Variants in SEMA3A observed in about 807,000 individuals in gnomAD.
SEMA3A encodes semaphorin-3A.
Under a neutral mutation model 97.9 loss-of-function variants are expected in SEMA3A, and 29 were observed. That is an observed-to-expected ratio of 0.30 (90% confidence interval 0.22 to 0.40). The LOEUF (loss-of-function observed/expected upper bound fraction) is 0.40, where lower values mean the gene tolerates loss of function less well. Ranked by LOEUF, SEMA3A falls within the 10% of genes least tolerant of loss-of-function variation. The pLI is 1.00. For synonymous variants in SEMA3A, 321 were observed against 323.7 expected, an observed-to-expected ratio of 0.99 and a Z score of 0.09; for missense variants, 763 against 951.3, an observed-to-expected ratio of 0.80 and a Z score of 2.60.
At chr7:84,350,266 C>T (rs1294862343) in intron 2 of SEMA3A, among the ~76,000 whole-genome samples, 2 of 152,114 alleles carry the variant, frequency 1.3e-5, no homozygotes, top group Non-Finnish European at 2.9e-5. Flanking sequence ...TGGCCCAACA[C>T]ACTTCCCAAT....
chr7:84,399,464 G>A (rs574076233), intron 1 of SEMA3A, among the ~76,000 whole-genome samples: 1 of 152,282 alleles, frequency 6.6e-6, no homozygotes, highest in South Asian at 2.1e-4. Context: ...CCATGGGAGA[G>A]CCTATGCCAC....
chr7:84,228,851 T>C (rs1017215234), intron 3 of SEMA3A, among the ~76,000 whole-genome samples: 3 of 152,128 alleles, frequency 2.0e-5, no homozygotes, highest in Non-Finnish European at 4.4e-5. Context: ...TGGTTGATCA[T>C]GGTGCCTTCT....
At chr7:84,052,820 G>A (rs1196368584) in intron 5 of SEMA3A, among the ~76,000 whole-genome samples, 1 of 150,146 alleles carries the variant, frequency 6.7e-6, no homozygotes, top group African/African-American at 2.5e-5. Flanking sequence ...GTCAATTTTG[G>A]ATCTTTCCTG....
chr7:84,077,463 C>G (rs1303780213), intron 4 of SEMA3A, among the ~76,000 whole-genome samples: 2 of 151,904 alleles, frequency 1.3e-5, no homozygotes, highest in African/African-American at 2.4e-5. Context: ...GAGCATATGT[C>G]CTGTAAAAAG....
chr7:83,965,076 T>C, intron 15 of SEMA3A, among the ~76,000 whole-genome samples: 1 of 149,790 alleles, frequency 6.7e-6, no homozygotes, highest in East Asian at 1.9e-4. Context: ...TTTCTAACTG[T>C]TCTGTGATTT....
chr7:84,133,408 C>A (rs959562321), intron 2 of SEMA3A, among the ~76,000 whole-genome samples: 1 of 151,926 alleles, frequency 6.6e-6, no homozygotes, highest in African/African-American at 2.4e-5. Context: ...GCATTTTATC[C>A]CAAAAGCAAC....
intron 2 of SEMA3A, among the ~76,000 whole-genome samples, chr7:84,321,592 A>G (rs557052510): frequency 1.4e-4 from 22 of 152,214 alleles, no homozygotes; most frequent in Non-Finnish European, 1.6e-4. Context: ...TCATATTGCT[A>G]TGAAGAAATA....
chr7:84,435,214 C>T lies in SEMA3A; in HGVS notation c.-246+57246G>A, dbSNP rs192985250. 2.6e-5 allele frequency among the ~76,000 whole-genome samples: 4 copies of T among 151,998 alleles called. No individual in the cohort carries two copies. In the East Asian group the frequency reaches 7.8e-4, roughly 30 times the overall value. On this transcript the variant is annotated intron_variant, in intron 1 of 3. Coordinates refer to the SEMA3A transcript ENST00000424555. ...AGCATTTTTATACACCAATAATATT[C>T]AAGCTGACAGCTAAAGAGTGTGATC... is the stretch of plus-strand genomic sequence containing the variant.
At chr7:84,233,661 A>G (rs1057073707) in intron 3 of SEMA3A, among the ~76,000 whole-genome samples, 2 of 152,070 alleles carry the variant, frequency 1.3e-5, no homozygotes, top group Non-Finnish European at 2.9e-5. Context: ...GATATATTCA[A>G]TAATACCATA....
rs1788459410 is a variant in SEMA3A, at chr7:83,961,280, C to T, written c.*91G>A. On this transcript the variant is annotated 3_prime_UTR_variant, in exon 17 of 17. Transcript: ENST00000265362. ...ACCATTGTAAACATCCACATAATGCCATGAAAAAAGTTCATGTATATTGCA... is the reference window on the plus strand; with the variant it reads ...ACCATTGTAAACATCCACATAATGCTATGAAAAAAGTTCATGTATATTGCA... The T allele has an allele frequency of 2.0e-6, 2 of 989,208 alleles. No homozygotes were observed. Among genetic ancestry groups the T allele is most frequent in the African/African-American group, 1.6e-5 (1 of 61,766 alleles). The allele number at this position is 989,208 out of a possible 1,614,324, so 61.3% of individuals were successfully genotyped here.
chr7:84,031,158 A>T (rs539172408), intron 6 of SEMA3A, among the ~76,000 whole-genome samples: 1 of 151,712 alleles, frequency 6.6e-6, no homozygotes, highest in East Asian at 2.0e-4. Context: ...ACGCCTCGCT[A>T]GTTTTTTGTA....
At position 84,392,979 on chromosome 7, in the gene SEMA3A, A is replaced by G. The variant is rs541563672; in HGVS notation, c.-245-21079T>C. Among the ~76,000 whole-genome samples, 10 of 152,182 alleles carry G rather than the reference A, an allele frequency of 6.6e-5. No individual in the cohort carries two copies. In the East Asian group the frequency reaches 1.9e-3, roughly 29 times the overall value. On this transcript the variant is annotated intron_variant, in intron 1 of 3. Transcript: ENST00000424555. The stretch of plus-strand genomic sequence containing the variant: ...GATGTATGACTTGCCAATATTTTCT[A>G]CCAATCCTTAGGTTGTCTCTTCAAC...
chr7:84,471,755 C>A (rs939188373), intron 1 of SEMA3A, among the ~76,000 whole-genome samples: 12 of 152,044 alleles, frequency 7.9e-5, no homozygotes, highest in African/African-American at 2.9e-4. Flanking sequence ...ACAGTCTAAA[C>A]CATCCATATT....
At chr7:84,412,181 A>G (rs1200626748) in intron 1 of SEMA3A, among the ~76,000 whole-genome samples, 1 of 152,148 alleles carries the variant, frequency 6.6e-6, no homozygotes, top group Non-Finnish European at 1.5e-5. Flanking sequence ...AGGCTGTGCT[A>G]ACCACATACA....
At chr7:84,276,391 A>T (rs1341759927) in intron 3 of SEMA3A, among the ~76,000 whole-genome samples, 2 of 152,122 alleles carry the variant, frequency 1.3e-5, no homozygotes, top group Non-Finnish European at 2.9e-5. Context: ...TGTTTCATAA[A>T]AAACATTGCC....
chr7:84,335,073 C>G (rs1228282165), intron 2 of SEMA3A, among the ~76,000 whole-genome samples: 1 of 152,042 alleles, frequency 6.6e-6, no homozygotes. Context: ...AAAATTCAAC[C>G]TTAAAATTTT....
chr7:84,265,552 T>G (rs529000740), intron 3 of SEMA3A, among the ~76,000 whole-genome samples: 21 of 148,116 alleles, frequency 1.4e-4, no homozygotes, highest in Middle Eastern at 3.6e-3. Flanking sequence ...TATATGTTTA[T>G]ATGTATTATA....
Position 84,158,148 on chromosome 7 carries a change from C to CTTTTTTTTT in SEMA3A, c.113-23206_113-23198dup, listed in dbSNP as rs1187182577. 3.0e-4 allele frequency among the ~76,000 whole-genome samples: 25 copies of CTTTTTTTTT among 82,294 alleles called. 1 individual carries two copies. The highest frequency in any genetic ancestry group is 4.4e-4 in the East Asian group (1 of 2,272). 54.0% of individuals were successfully genotyped at this position (82,294 alleles called of 152,430 possible). On this transcript the variant is annotated intron_variant, in intron 1 of 16. Transcript: ENST00000265362. ...CTTATGCTTAATTTAACAGCTAATT[C>CTTTTTTTTT]TTTTTTTTTTTTTTTTTTTTTTTTG...
intron 1 of SEMA3A, among the ~76,000 whole-genome samples, chr7:84,375,946 A>G (rs1302902229): frequency 6.6e-6 from 1 of 152,092 alleles, no homozygotes; most frequent in African/African-American, 2.4e-5. Flanking sequence ...TGTAGTATTT[A>G]CCTTTCTGTG....
Sources: gnomAD v4.1 joint callset for allele counts (sites outside exome capture counted in the v4.1 genomes callset) on GRCh38, gnomAD v4.1.1 for gene constraint, MANE v1.5 for transcripts, NCBI Gene and HGNC (gene_info 2026-07-23, HGNC 2026-07-21) for gene names.